CDH12: variants seen among roughly 807,000 people sequenced by gnomAD.
CDH12 encodes the protein cadherin-12.
CDH12 carries 41 observed loss-of-function variants against 74.1 expected under a neutral mutation model. The observed-to-expected ratio is 0.55, with a 90% confidence interval of 0.43 to 0.72. The LOEUF (loss-of-function observed/expected upper bound fraction) is 0.72. CDH12 is among the 30% of genes least tolerant of loss of function. The probability of loss-of-function intolerance (pLI) is 0.00; values close to 1 mark genes in which losing one functional copy is unlikely to be tolerated. For synonymous variants in CDH12, 399 were observed against 355.0 expected (o/e 1.12, Z -1.39); for missense variants, 945 against 977.2 (o/e 0.97, Z 0.44).
intron 4 of CDH12, among the ~76,000 whole-genome samples, chr5:22,099,467 C>T (rs563329251): frequency 2.0e-5 from 3 of 152,306 alleles, no homozygotes; most frequent in Admixed American, 6.5e-5. Flanking sequence ...CCTTGGAATG[C>T]TACAGGGTAC....
chr5:22,082,280 A>T (rs964364982), intron 4 of CDH12, among the ~76,000 whole-genome samples: 11 of 152,176 alleles, frequency 7.2e-5, no homozygotes, highest in Non-Finnish European at 1.2e-4. Context: ...CTTTTCACAT[A>T]AAAGGAAGAC....
chr5:22,771,100 C>T (rs535849314), intron 1 of CDH12, among the ~76,000 whole-genome samples: 6 of 152,068 alleles, frequency 3.9e-5, no homozygotes, highest in South Asian at 4.1e-4. Context: ...TACAGATGAA[C>T]GAATTTTATT....
At chr5:22,070,146 A>G (rs1448620805) in intron 5 of CDH12, among the ~76,000 whole-genome samples, 1 of 152,106 alleles carries the variant, frequency 6.6e-6, no homozygotes, top group African/African-American at 2.4e-5. Flanking sequence ...CACAAAATGT[A>G]TTGACTTGAT....
At position 22,598,427 on chromosome 5, in the gene CDH12, G is replaced by A. The variant is rs1454802482; in HGVS notation, c.-522-93063C>T. On this transcript the variant is annotated intron_variant, in intron 1 of 14. Transcript: ENST00000382254. ...TTATAAGGAGTTTTCTCCTTCACTCGGCGCTCACTCTCTATCCTGCAGCCC... is the reference window on the plus strand; with the variant it reads ...TTATAAGGAGTTTTCTCCTTCACTCAGCGCTCACTCTCTATCCTGCAGCCC... Among the ~76,000 whole-genome samples the A allele has an allele frequency of 7.2e-5, 11 of 151,980 alleles. No individual in the cohort carries two copies. In the South Asian group the frequency reaches 8.3e-4, roughly 11 times the overall value.
intron 10 of CDH12, among the ~76,000 whole-genome samples, chr5:21,794,618 T>C (rs992176385): frequency 6.6e-6 from 1 of 151,748 alleles, no homozygotes; most frequent in African/African-American, 2.4e-5. Flanking sequence ...GTACAAAATA[T>C]CTATTTTTTT....
rs777806564 is a variant in CDH12, at chr5:21,802,392, T to C, written c.1031A>G (p.Tyr344Cys). Reference sequence around the variant, plus strand: ...GTTGGAAGCCTCAACTTTGAAAGTGTATGCCTTCTTTGTTTCAAAATCTAA... The same window carrying C: ...GTTGGAAGCCTCAACTTTGAAAGTGCATGCCTTCTTTGTTTCAAAATCTAA... ...KPLDFETKKAYTFKVEASNLH... is the reference protein window; with the variant it reads ...KPLDFETKKACTFKVEASNLH... Residue 344 changes from tyrosine (Y) to cysteine (C), a missense_variant, in exon 10 of 15, where the codon TAC becomes TGC. Tyr to Cys is a radical substitution (Grantham distance 194). Coordinates refer to ENST00000382254, the MANE Select transcript of CDH12 (RefSeq NM_004061.5). The C allele has an allele frequency of 1.9e-6, 3 of 1,613,746 alleles. No homozygotes were observed. The highest frequency in any genetic ancestry group is 2.5e-6 in the Non-Finnish European group (3 of 1,179,758).
chr5:22,605,475 C>T (rs780495664), intron 1 of CDH12, among the ~76,000 whole-genome samples: 40 of 152,198 alleles, frequency 2.6e-4, no homozygotes, highest in Non-Finnish European at 4.4e-4. Context: ...GCCCCTTCTC[C>T]CCTGAACTCA....
intron 6 of CDH12, among the ~76,000 whole-genome samples, chr5:21,868,027 T>C (rs1489707460): frequency 1.3e-5 from 2 of 152,198 alleles, no homozygotes; most frequent in Non-Finnish European, 2.9e-5. Flanking sequence ...CTGATGGTTT[T>C]ATAAGGGGAA....
intron 4 of CDH12, among the ~76,000 whole-genome samples, chr5:22,108,761 A>C (rs534008219): frequency 7.9e-5 from 12 of 152,294 alleles, no homozygotes; most frequent in Admixed American, 4.6e-4. Flanking sequence ...CAGATGACAA[A>C]TAATGACAGG....
intron 3 of CDH12, among the ~76,000 whole-genome samples, chr5:22,241,243 T>C (rs1165123240): frequency 6.6e-6 from 1 of 152,048 alleles, no homozygotes; most frequent in Non-Finnish European, 1.5e-5. Flanking sequence ...ACACTTTTTT[T>C]CCCACAAAGG....
intron 1 of CDH12, among the ~76,000 whole-genome samples, chr5:22,701,698 C>T (rs1742723341): frequency 6.6e-6 from 1 of 152,076 alleles, no homozygotes; most frequent in South Asian, 2.1e-4. Context: ...ACCTACCAGG[C>T]TTCTTCATAT....
intron 1 of CDH12, among the ~76,000 whole-genome samples, chr5:22,519,560 A>G (rs1370977117): frequency 6.6e-6 from 1 of 151,580 alleles, no homozygotes; most frequent in Admixed American, 6.6e-5. Context: ...AGTAGCTGGG[A>G]CTACAGGCGC....
In CDH12 at chr5:21,890,025, G is replaced by T. The variant is rs189430804; in HGVS notation, c.527-35235C>A. Among the ~76,000 whole-genome samples, 1,062 of 152,152 alleles carry T rather than the reference G, an allele frequency of 7.0e-3. 8 individuals are homozygous for T. Among genetic ancestry groups the T allele is most frequent in the African/African-American group, 0.024 (998 of 41,520 alleles). ...TATAAATCTCAAAGGTTCATTCTAT[G>T]TTTCGGGAAATATGTAAAACACATT... On this transcript the variant is annotated intron_variant, in intron 6 of 14. Transcript: ENST00000382254.
chr5:22,310,198 C>T (rs922526067), intron 3 of CDH12, among the ~76,000 whole-genome samples: 5 of 152,042 alleles, frequency 3.3e-5, no homozygotes, highest in South Asian at 4.1e-4. Context: ...CGGTGGTTCA[C>T]GCCTGTATTC....
intron 1 of CDH12, among the ~76,000 whole-genome samples, chr5:22,565,442 CTCTCTA>C: frequency 6.6e-6 from 1 of 152,262 alleles, no homozygotes; most frequent in East Asian, 1.9e-4. Context: ...AAACTGAACT[CTCTCTA>C]TATTTATATA....
At chr5:22,736,556 G>T (rs1744739484) in intron 1 of CDH12, among the ~76,000 whole-genome samples, 1 of 151,386 alleles carries the variant, frequency 6.6e-6, no homozygotes, top group Admixed American at 6.6e-5. Flanking sequence ...GTTAGAGTCA[G>T]CGTTTTTTTT....
chr5:22,834,194 G>T (rs1225628011), intron 1 of CDH12, among the ~76,000 whole-genome samples: 1 of 152,138 alleles, frequency 6.6e-6, no homozygotes, highest in Non-Finnish European at 1.5e-5. Flanking sequence ...CTTCTGCTGT[G>T]CCAGTTAGGA....
intron 1 of CDH12, among the ~76,000 whole-genome samples, chr5:22,771,420 T>C (rs781716714): frequency 2.0e-5 from 3 of 152,088 alleles, no homozygotes; most frequent in Non-Finnish European, 1.5e-5. Flanking sequence ...CAAAAGCCCA[T>C]TGTATCAGAT....
At position 22,288,773 on chromosome 5, in the gene CDH12, T is replaced by C. The variant is rs573560112; in HGVS notation, c.-332-76130A>G. Among the ~76,000 whole-genome samples the C allele has an allele frequency of 7.2e-5, 11 of 152,292 alleles. No individual in the cohort carries two copies. The South Asian group carries it at 2.3e-3, about 32-fold the overall frequency. ...TCCTGAAAGAAATTAAACAAGTATG[T>C]AAACATAATGTCTGGTATTAATAGA... On this transcript the variant is annotated intron_variant, in intron 3 of 14. Coordinates refer to ENST00000382254, the MANE Select transcript of CDH12 (RefSeq NM_004061.5).
Sources: allele counts gnomAD v4.1 joint callset (sites outside exome capture counted in the v4.1 genomes callset), GRCh38; gene constraint gnomAD v4.1.1; transcripts MANE v1.5; gene names NCBI Gene and HGNC (gene_info 2026-07-23, HGNC 2026-07-21).